The following RPL38 variants were observed in gnomAD, a reference collection of about 807,000 sequenced individuals.
RPL38 encodes the protein ribosomal protein L38.
In RPL38, 2 loss-of-function variants were observed where a neutral mutation model predicts 12.8. The observed-to-expected ratio is 0.16, with a 90% CI of 0.06 to 0.49. The LOEUF (loss-of-function observed/expected upper bound fraction) is 0.49. RPL38 is among the 20% of genes least tolerant of loss of function. The pLI, the probability that RPL38 is intolerant of heterozygous loss-of-function variation, is 0.96. For missense variants in RPL38, 52 were observed against 79.8 expected (o/e 0.65, Z 1.33); for synonymous variants, 42 against 30.1 (o/e 1.39, Z -1.29).
At position 74,208,069 on chromosome 17, in the gene RPL38, G is replaced by A. The variant is rs145042546; in HGVS notation, c.65-1118G>A. ...GCTAGGACAAGATCATCTTGTGTGC[G>A]TCTGCCAGGTTAAGTGCTGTGTGCT... is the stretch of plus-strand genomic sequence containing the variant. On this transcript the variant is annotated intron_variant, in intron 3 of 4. Transcript: ENST00000311111. Among the ~76,000 whole-genome samples the A allele has an allele frequency of 6.1e-3, 934 of 152,282 alleles. 8 individuals are homozygous for A. Among genetic ancestry groups the A allele is most frequent in the African/African-American group, 0.021 (892 of 41,558 alleles).
In RPL38 at chr17:74,208,677, T is replaced by C. The variant is rs143843132; in HGVS notation, c.65-510T>C. Among the ~76,000 whole-genome samples the C allele has an allele frequency of 5.1e-3, 774 of 152,324 alleles. 5 individuals are homozygous for C. Among genetic ancestry groups the C allele is most frequent in the African/African-American group, 0.018 (730 of 41,572 alleles). On this transcript the variant is annotated intron_variant, in intron 3 of 4. Transcript: ENST00000311111. ...TAGGCCAGGTGCGGTGGCTCATGCCTGGAATCCCAGCACTTTGGGAGGCCG... is the reference window on the plus strand; with the variant it reads ...TAGGCCAGGTGCGGTGGCTCATGCCCGGAATCCCAGCACTTTGGGAGGCCG...
At chr17:74,207,542 T>G (rs111617180) in intron 3 of RPL38, among the ~76,000 whole-genome samples, 2,075 of 152,204 alleles carry the variant, frequency 0.014, 57 homozygotes, top group African/African-American at 0.045. Flanking sequence ...TATTTTTTTT[T>G]TGAGATGGAG....
chr17:74,206,858 G>A (rs1221728126), intron 3 of RPL38, among the ~76,000 whole-genome samples: 2 of 150,806 alleles, frequency 1.3e-5, no homozygotes, highest in Non-Finnish European at 3.0e-5. Flanking sequence ...GACTACAGGC[G>A]CCTGTCACCA....
At chr17:74,204,428 A>T in intron 3 of RPL38, 2 of 547,866 alleles carry the variant, frequency 3.7e-6, no homozygotes, top group Non-Finnish European at 6.5e-6. Context: ...GGCCGCCCTG[A>T]GTTCAGTTTT....
intron 2 of RPL38, 67 bp downstream of exon 2, chr17:74,204,025 G>A (rs2050086264): frequency 1.2e-6 from 2 of 1,612,656 alleles, no homozygotes; most frequent in Non-Finnish European, 8.5e-7. Context: ...GAGGGCGAGA[G>A]AGCCTCCCAA....
chr17:74,207,393 A>C (rs185993941), intron 3 of RPL38, among the ~76,000 whole-genome samples: 2 of 152,294 alleles, frequency 1.3e-5, no homozygotes, highest in East Asian at 3.9e-4. Context: ...GGTTGCTTCT[A>C]CATTTTCGCT....
At chr17:74,209,057 A>C in intron 3 of RPL38, 130 bp from the exon 4 acceptor site, 2 of 921,884 alleles carry the variant, frequency 2.2e-6, no homozygotes, top group East Asian at 2.4e-5. Flanking sequence ...TTCTGTTTGC[A>C]CAGAGGGATG....
chr17:74,204,500 C>T (rs1185223662), intron 3 of RPL38: 1 of 411,568 alleles, frequency 2.4e-6, no homozygotes, highest in East Asian at 5.0e-5. Context: ...CCTCAAAACA[C>T]ACGTCCCATA....
intron 1 of RPL38, 74 bp downstream of exon 1, chr17:74,203,819 AG>A: frequency 9.0e-7 from 1 of 1,106,488 alleles, no homozygotes; most frequent in Non-Finnish European, 1.3e-6. Flanking sequence ...GGGGAGGAGA[AG>A]GGGAGTGCGA....
Position 74,210,293 on chromosome 17 carries a change from T to C in RPL38, c.*464T>C, listed in dbSNP as rs1375948020. On this transcript the variant is annotated 3_prime_UTR_variant, in exon 5 of 5. Transcript: ENST00000311111. ...TCAGTCGGCAAATGAGGCCATCTGT[T>C]TTCAGCCTGTTTGAAAATAAGATGT... 1.9e-5 allele frequency: 3 copies of C among 155,770 alleles called. No homozygotes were observed. The highest frequency in any genetic ancestry group is 7.2e-5 in the African/African-American group (3 of 41,474). The allele number at this position is 155,770 out of a possible 1,614,324, so 9.6% of individuals were successfully genotyped here. A position where few individuals can be genotyped will look rare whatever the true frequency, so the allele number is the denominator to read the frequency against.
At chr17:74,207,519 C>CTTTTTTTTT (rs960745898) in intron 3 of RPL38, among the ~76,000 whole-genome samples, 1 of 150,922 alleles carries the variant, frequency 6.6e-6, no homozygotes, top group African/African-American at 2.5e-5. Context: ...GTTGAGTAAA[C>CTTTTTTTTT]TTTTTTTTTA....
chr17:74,204,406 G>C (rs192054181), intron 3 of RPL38: 1 of 574,264 alleles, frequency 1.7e-6, no homozygotes, highest in Non-Finnish European at 3.1e-6. Flanking sequence ...AGCTAATCGC[G>C]ATCATCTCAG....
In RPL38 at chr17:74,210,477, CTT is replaced by C. The variant is rs1418422474; in HGVS notation, c.*651_*652del. 1.3e-5 allele frequency: 2 copies of C among 152,308 alleles called. No individual in the cohort carries two copies. The highest frequency in any genetic ancestry group is 6.5e-5 in the Admixed American group (1 of 15,276). 9.4% of individuals were successfully genotyped at this position (152,308 alleles called of 1,614,324 possible). On this transcript the variant is annotated 3_prime_UTR_variant, in exon 5 of 5. Transcript: ENST00000311111. Reference sequence around the variant, plus strand: ...TGACTGACTTGGAGAAATGACTACACTTTTGCCTGTTTCCTCAGTTGGAAAAT... The same window carrying C: ...TGACTGACTTGGAGAAATGACTACACTTGCCTGTTTCCTCAGTTGGAAAAT...
At chr17:74,204,354 T>TGGG in intron 3 of RPL38, 164 bp downstream of exon 3, 1 of 633,634 alleles carries the variant, frequency 1.6e-6, no homozygotes, top group East Asian at 2.7e-5. Context: ...GAAAGACCTG[T>TGGG]GGGGGGCACG....
At chr17:74,205,283 T>G (rs1358996410) in intron 3 of RPL38, 2 of 152,242 alleles carry the variant, frequency 1.3e-5, no homozygotes, top group Non-Finnish European at 2.9e-5. Context: ...TTGAGTTATG[T>G]TGTTACTTTA....
chr17:74,209,296 G>T lies in RPL38; in HGVS notation c.174G>T (p.Gln58His). ...TDKEKAEKLK[Q>H]SLPPGLAVKE... ...AAGAGAAGGCAGAGAAACTGAAGCA[G>T]TCCCTGCCCCCCGGTGAGTGAGCCT... The change falls in exon 4 of 5, where the codon CAG becomes CAT. Residue 58 changes from glutamine (Q) to histidine (H), a missense_variant. Physicochemically the swap from Gln to His is conservative, Grantham distance 24 (BLOSUM62 0). Coordinates refer to ENST00000311111, the MANE Select transcript of RPL38 (RefSeq NM_000999.4). 1 of 1,614,084 alleles carries T rather than the reference G, an allele frequency of 6.2e-7. No homozygotes were observed. The highest frequency in any genetic ancestry group is 8.5e-7 in the Non-Finnish European group (1 of 1,180,020).
Position 74,209,795 on chromosome 17 carries a change from T to C in RPL38, c.188-9T>C. The stretch of plus-strand genomic sequence containing the variant: ...TCTGGATGGCTTACTTTTGTCTCTT[T>C]CCCTCTAGGTTTGGCAGTGAAGGAA... On this transcript the variant is annotated splice_polypyrimidine_tract_variant and intron_variant, in intron 4 of 4. Transcript: ENST00000311111. 1 of 1,612,642 alleles carries C rather than the reference T, an allele frequency of 6.2e-7. No individual in the cohort carries two copies. Among genetic ancestry groups the C allele is most frequent in the South Asian group, 1.1e-5 (1 of 91,034 alleles).
At position 74,205,204 on chromosome 17, in the gene RPL38, G is replaced by A. The variant is rs1444288367; in HGVS notation, c.64+1014G>A. 2.0e-5 allele frequency: 3 copies of A among 152,208 alleles called. No individual in the cohort carries two copies. The East Asian group carries it at 5.8e-4, about 29-fold the overall frequency. The allele number at this position is 152,208 out of a possible 1,614,324, so 9.4% of individuals were successfully genotyped here. A position where few individuals can be genotyped will look rare whatever the true frequency, so the allele number is the denominator to read the frequency against. On this transcript the variant is annotated intron_variant, in intron 3 of 4. Transcript: ENST00000311111. ...TAAATTTTTACACCAAGTGTGAGAGGTAGTTGTGTTACTCCTTTGTGATAC... is the reference window on the plus strand; with the variant it reads ...TAAATTTTTACACCAAGTGTGAGAGATAGTTGTGTTACTCCTTTGTGATAC...
chr17:74,204,478 A>G lies in RPL38; in HGVS notation c.64+288A>G, dbSNP rs1357591670. 6 of 435,896 alleles carry G rather than the reference A, an allele frequency of 1.4e-5. No individual in the cohort carries two copies. The East Asian group carries it at 2.6e-4, about 19-fold the overall frequency. 27.0% of individuals were successfully genotyped at this position (435,896 alleles called of 1,614,324 possible). On this transcript the variant is annotated intron_variant, in intron 3 of 4. Coordinates refer to ENST00000311111, the MANE Select transcript of RPL38 (RefSeq NM_000999.4). ...AGTAAATTGTCGGAACGGAATCTCC[A>G]CTCCGCGAAAGCCTCAAAACACACG...
Sources: allele counts gnomAD v4.1 joint callset (sites outside exome capture counted in the v4.1 genomes callset), GRCh38; gene constraint gnomAD v4.1.1; transcripts MANE v1.5; gene names NCBI Gene and HGNC (gene_info 2026-07-23, HGNC 2026-07-21).